The following SUGCT variants were observed in gnomAD, a reference collection of about 807,000 sequenced individuals.
SUGCT encodes the protein succinyl-CoA:glutarate CoA-transferase.
SUGCT carries 41 observed loss-of-function variants against 55.0 expected under a neutral mutation model. The observed-to-expected ratio is 0.74, with a 90% CI of 0.58 to 0.97. The LOEUF (loss-of-function observed/expected upper bound fraction) is 0.97, where lower values mean the gene tolerates loss of function less well. SUGCT is among the 50% of genes least tolerant of loss of function. The probability of loss-of-function intolerance (pLI) is 0.00; values close to 1 mark genes in which losing one functional copy is unlikely to be tolerated. For synonymous variants in SUGCT, 187 were observed against 200.4 expected (o/e 0.93, Z 0.56); for missense variants, 568 against 547.8 (o/e 1.04, Z -0.37).
At chr7:40,613,304 G>T (rs577095921) in intron 12 of SUGCT, among the ~76,000 whole-genome samples, 2 of 152,116 alleles carry the variant, frequency 1.3e-5, no homozygotes, top group Non-Finnish European at 2.9e-5. Context: ...GCTAAAAGGG[G>T]CACGAAGTGA....
At chr7:40,836,480 C>T (rs184299303) in intron 13 of SUGCT, among the ~76,000 whole-genome samples, 6 of 152,138 alleles carry the variant, frequency 3.9e-5, no homozygotes, top group South Asian at 2.1e-4. Flanking sequence ...GTGTGGTGAG[C>T]GTGTGTGTTT....
chr7:40,175,394 A>G (rs1210673371), intron 1 of SUGCT, among the ~76,000 whole-genome samples: 1 of 151,568 alleles, frequency 6.6e-6, no homozygotes, highest in Non-Finnish European at 1.5e-5. Flanking sequence ...TGCTTTTTGT[A>G]TTTTCAGTAG....
At chr7:40,480,651 G>A (rs1290841129) in intron 11 of SUGCT, among the ~76,000 whole-genome samples, 1 of 152,048 alleles carries the variant, frequency 6.6e-6, no homozygotes, top group African/African-American at 2.4e-5. Flanking sequence ...CATGAACATA[G>A]GGTGTATTTC....
At chr7:40,994,273 C>G in the SUGCT span, among the ~76,000 whole-genome samples, 3 of 152,086 alleles carry the variant, frequency 2.0e-5, no homozygotes, top group Non-Finnish European at 4.4e-5. Flanking sequence ...TAAAGCACAT[C>G]CGAGCAAAAG....
At chr7:40,617,507 G>GCA in intron 12 of SUGCT, among the ~76,000 whole-genome samples, 1 of 151,600 alleles carries the variant, frequency 6.6e-6, no homozygotes, top group South Asian at 2.1e-4. Flanking sequence ...GTGTGTGTGT[G>GCA]TGTGTGCATG....
chr7:40,705,135 T>C (rs1298077205), intron 12 of SUGCT, among the ~76,000 whole-genome samples: 2 of 152,222 alleles, frequency 1.3e-5, no homozygotes, highest in Non-Finnish European at 2.9e-5. Context: ...TTTTACTTCA[T>C]TCTATTTCTT....
At chr7:40,602,514 T>A (rs1333097696) in intron 12 of SUGCT, among the ~76,000 whole-genome samples, 2 of 152,124 alleles carry the variant, frequency 1.3e-5, no homozygotes, top group African/African-American at 4.8e-5. Flanking sequence ...ATGTGTCTAT[T>A]CACAAGAAAC....
At chr7:40,565,591 C>A (rs1796084397) in intron 12 of SUGCT, among the ~76,000 whole-genome samples, 1 of 152,158 alleles carries the variant, frequency 6.6e-6, no homozygotes. Context: ...AGTCATTGAA[C>A]ACGATGATCA....
chr7:40,361,265 G>C (rs1261388864), intron 9 of SUGCT, among the ~76,000 whole-genome samples: 1 of 152,054 alleles, frequency 6.6e-6, no homozygotes, highest in Non-Finnish European at 1.5e-5. Context: ...AGCACAGGCA[G>C]CTCAGCCCTC....
intron 7 of SUGCT, among the ~76,000 whole-genome samples, chr7:40,245,423 A>ATTTTTTTTTTTTTTTTTTT (rs1168316176): frequency 1.8e-5 from 1 of 54,594 alleles, no homozygotes; most frequent in African/African-American, 8.9e-5. Flanking sequence ...ATATATATAT[A>ATTTTTTTTTTTTTTTTTTT]TTTTTTTTTT....
At chr7:40,289,948 G>A (rs1793630952) in intron 8 of SUGCT, among the ~76,000 whole-genome samples, 1 of 152,106 alleles carries the variant, frequency 6.6e-6, no homozygotes, top group African/African-American at 2.4e-5. Context: ...CAACTTACAA[G>A]GGATGCGAAA....
intron 9 of SUGCT, among the ~76,000 whole-genome samples, chr7:40,335,824 C>G (rs192876130): frequency 6.6e-6 from 1 of 152,142 alleles, no homozygotes; most frequent in Non-Finnish European, 1.5e-5. Flanking sequence ...CTGTCTTGTG[C>G]GAGTTTTCAA....
rs888287651 is a variant in SUGCT, at chr7:40,296,800, A to G, written c.721-19960A>G. On this transcript the variant is annotated intron_variant, in intron 8 of 13. Coordinates refer to ENST00000335693, the MANE Select transcript of SUGCT (RefSeq NM_001193313.2). ...TGTGTGTGTAATTGATTTCGAGCTT[A>G]TTGTTGAACCCACTTCTTTCTATTT... is the stretch of plus-strand genomic sequence containing the variant. Among the ~76,000 whole-genome samples, 11 of 151,796 alleles carry G rather than the reference A, an allele frequency of 7.2e-5. No individual in the cohort carries two copies. The East Asian group carries it at 1.4e-3, about 19-fold the overall frequency.
At chr7:40,352,914 T>G (rs1797708158) in intron 9 of SUGCT, among the ~76,000 whole-genome samples, 1 of 152,196 alleles carries the variant, frequency 6.6e-6, no homozygotes, top group African/African-American at 2.4e-5. Context: ...GTGTTCCCTT[T>G]TCTCTACAAC....
chr7:40,827,639 T>A (rs1563030867), intron 13 of SUGCT, among the ~76,000 whole-genome samples: 1 of 152,170 alleles, frequency 6.6e-6, no homozygotes, highest in Non-Finnish European at 1.5e-5. Flanking sequence ...CTCCGGGGCG[T>A]GTCCAGGCCT....
intron 9 of SUGCT, among the ~76,000 whole-genome samples, chr7:40,401,924 T>C (rs559475514): frequency 1.3e-5 from 2 of 152,188 alleles, no homozygotes; most frequent in Admixed American, 6.5e-5. Flanking sequence ...TTTCTGATAC[T>C]TTTCAAAATG....
rs1401291562 is a variant in SUGCT, at chr7:40,200,358, G to C, written c.484+5298G>C. On this transcript the variant is annotated intron_variant, in intron 6 of 13. Coordinates refer to ENST00000335693, the MANE Select transcript of SUGCT (RefSeq NM_001193313.2). ...ATTAGCAAACTATACTATTATGAAA[G>C]AATGAAATAGTACTGTGGTGGAGAT... Among the ~76,000 whole-genome samples, 5 of 152,100 alleles carry C rather than the reference G, an allele frequency of 3.3e-5. No homozygotes were observed. The East Asian group carries it at 5.8e-4, about 18-fold the overall frequency.
chr7:40,727,025 C>T (rs1464949629), intron 12 of SUGCT, among the ~76,000 whole-genome samples: 3 of 152,130 alleles, frequency 2.0e-5, no homozygotes, highest in African/African-American at 7.2e-5. Flanking sequence ...ATAGGTGAGG[C>T]CCCCATGGGC....
the SUGCT span, among the ~76,000 whole-genome samples, chr7:41,006,523 T>C: frequency 6.6e-6 from 1 of 152,356 alleles, no homozygotes; most frequent in South Asian, 2.1e-4. Context: ...GTTATTCATT[T>C]ATTGGACTTG....
Sources: gnomAD v4.1 joint callset for allele counts (sites outside exome capture counted in the v4.1 genomes callset) on GRCh38, gnomAD v4.1.1 for gene constraint, MANE v1.5 for transcripts, NCBI Gene and HGNC (gene_info 2026-07-23, HGNC 2026-07-21) for gene names.